TMEM260: variants seen among roughly 807,000 people sequenced by gnomAD.
TMEM260 encodes the protein protein O-mannosyl-transferase TMEM260.
Under a neutral mutation model 88.9 loss-of-function variants are expected in TMEM260, and 82 were observed. The ratio of observed to expected loss-of-function variants is 0.92; its 90% CI spans 0.77 to 1.11. The LOEUF is 1.11. Ranked by LOEUF, TMEM260 falls within the 50% of genes least tolerant of loss-of-function variation. TMEM260 has a pLI of 0.00. For synonymous variants in TMEM260, 314 were observed against 309.3 expected (o/e 1.02, Z -0.16); for missense variants, 902 against 853.4 (o/e 1.06, Z -0.71).
At chr14:56,659,512 G>T in the TMEM260 span, among the ~76,000 whole-genome samples, 499 of 152,260 alleles carry the variant, frequency 3.3e-3, 1 homozygote, top group African/African-American at 0.012. Context: ...TAGCTGTCTA[G>T]GTGGACCTGG....
rs563621089 is a variant in TMEM260, at chr14:56,580,154, C to T, written c.160+80C>T. The T allele has an allele frequency of 6.7e-6, 8 of 1,186,052 alleles. No homozygotes were observed. In the South Asian group the frequency reaches 1.3e-4, roughly 19 times the overall value. 73.5% of individuals were successfully genotyped at this position (1,186,052 alleles called of 1,614,324 possible). A position where few individuals can be genotyped will look rare whatever the true frequency, so the allele number is the denominator to read the frequency against. The stretch of plus-strand genomic sequence containing the variant: ...GCAGGGTCTGCGTCTGGCCCCTGCT[C>T]TTGGCATTCGGTCTGGTCAGCTCTG... On this transcript the variant is annotated intron_variant, in intron 1 of 15. Transcript: ENST00000261556.
chr14:56,655,820 C>A, the TMEM260 span, among the ~76,000 whole-genome samples: 1 of 152,232 alleles, frequency 6.6e-6, no homozygotes, highest in East Asian at 1.9e-4. Context: ...GAAGCCAACA[C>A]CTTAACACCT....
chr14:56,611,724 A>G (rs971948809), intron 6 of TMEM260, among the ~76,000 whole-genome samples: 2 of 152,224 alleles, frequency 1.3e-5, no homozygotes, highest in Non-Finnish European at 2.9e-5. Flanking sequence ...TTCTGCTCTA[A>G]AGATACATAC....
intron 15 of TMEM260, among the ~76,000 whole-genome samples, chr14:56,646,510 A>G (rs1889976955): frequency 6.6e-6 from 1 of 152,190 alleles, no homozygotes; most frequent in Non-Finnish European, 1.5e-5. Flanking sequence ...TAAATTTTTG[A>G]TGTTTCCTGT....
At chr14:56,602,937 G>A in intron 3 of TMEM260, among the ~76,000 whole-genome samples, 1 of 152,092 alleles carries the variant, frequency 6.6e-6, no homozygotes, top group East Asian at 1.9e-4. Flanking sequence ...AGTAATGCTT[G>A]CTGAATTTTC....
At chr14:56,607,266 G>A (rs767185049) in intron 5 of TMEM260, among the ~76,000 whole-genome samples, 3 of 152,170 alleles carry the variant, frequency 2.0e-5, no homozygotes, top group Non-Finnish European at 4.4e-5. Context: ...AGACATCAGA[G>A]GGGTGCATTC....
intron 12 of TMEM260, among the ~76,000 whole-genome samples, chr14:56,629,940 C>T (rs1002675129): frequency 5.9e-5 from 9 of 151,694 alleles, no homozygotes; most frequent in African/African-American, 2.2e-4. Flanking sequence ...ACTTGGGCAG[C>T]TGAGGTGGGA....
chr14:56,633,731 A>T (rs17091851), intron 13 of TMEM260, among the ~76,000 whole-genome samples: 4,029 of 152,108 alleles, frequency 0.026, 107 homozygotes, highest in East Asian at 0.099. Flanking sequence ...ATGTTTCCTA[A>T]ATAGAAAATG....
chr14:56,585,708 G>T, intron 2 of TMEM260, 53 bp from the exon 3 acceptor site: 1 of 1,570,230 alleles, frequency 6.4e-7, no homozygotes, highest in South Asian at 1.2e-5. Flanking sequence ...AGGCCTGTGG[G>T]ACTCTTCCTT....
chr14:56,588,608 G>C (rs1179145503), intron 3 of TMEM260, among the ~76,000 whole-genome samples: 1 of 151,840 alleles, frequency 6.6e-6, no homozygotes, highest in East Asian at 1.9e-4. Context: ...TATTTGCTTT[G>C]CTCTAATGTA....
In TMEM260 at chr14:56,638,956, G is replaced by T. The variant is rs955091917; in HGVS notation, c.1869+2358G>T. 2.0e-5 allele frequency among the ~76,000 whole-genome samples: 3 copies of T among 152,208 alleles called. No individual in the cohort carries two copies. In the South Asian group the frequency reaches 6.3e-4, roughly 32 times the overall value. On this transcript the variant is annotated intron_variant, in intron 15 of 15. Coordinates refer to ENST00000261556, the MANE Select transcript of TMEM260 (RefSeq NM_017799.4). ...AAGAATGATGGGCTTCTCAAGATAT[G>T]GTACATGTGACTTAATAGGACATCT...
intron 15 of TMEM260, among the ~76,000 whole-genome samples, chr14:56,639,972 ACAAAGCAGCT>A (rs1889446088): frequency 6.6e-6 from 1 of 152,188 alleles, no homozygotes; most frequent in Non-Finnish European, 1.5e-5. Flanking sequence ...CAGCAGGTAA[ACAAAGCAGCT>A]GGGAAGCTCG....
intron 11 of TMEM260, among the ~76,000 whole-genome samples, chr14:56,623,224 G>T (rs1888039511): frequency 6.6e-6 from 1 of 152,168 alleles, no homozygotes; most frequent in Non-Finnish European, 1.5e-5. Flanking sequence ...CACATGAGAC[G>T]CAGTCTGGAG....
At chr14:56,618,440 C>G (rs1011731387) in intron 9 of TMEM260, among the ~76,000 whole-genome samples, 154 bp from the exon 10 acceptor site, 2 of 152,114 alleles carry the variant, frequency 1.3e-5, no homozygotes, top group Non-Finnish European at 2.9e-5. Flanking sequence ...AATAAAATGA[C>G]CTGGGCTTGG....
At chr14:56,627,723 C>G (rs1026256016) in intron 12 of TMEM260, among the ~76,000 whole-genome samples, 2 of 152,210 alleles carry the variant, frequency 1.3e-5, no homozygotes, top group Admixed American at 1.3e-4. Flanking sequence ...TGAAAGGAAG[C>G]TAGCTAATGT....
chr14:56,621,487 A>T, intron 10 of TMEM260, 44 bp from the exon 11 acceptor site: 1 of 1,483,484 alleles, frequency 6.7e-7, no homozygotes, highest in Non-Finnish European at 9.2e-7. Flanking sequence ...TTAAAACTGT[A>T]GCAAAGTGTT....
intron 7 of TMEM260, chr14:56,613,310 C>A (rs1031102933): frequency 1.3e-5 from 2 of 152,178 alleles, no homozygotes; most frequent in South Asian, 2.1e-4. Context: ...CTCACAGTTT[C>A]GGTGTAATTT....
chr14:56,597,821 A>G (rs1376434280), intron 3 of TMEM260, among the ~76,000 whole-genome samples: 2 of 150,884 alleles, frequency 1.3e-5, no homozygotes, highest in East Asian at 3.8e-4. Context: ...TTTTCAACAG[A>G]GAGAGAGAGA....
At chr14:56,617,802 T>C (rs1460077244) in intron 9 of TMEM260, among the ~76,000 whole-genome samples, 2 of 152,178 alleles carry the variant, frequency 1.3e-5, no homozygotes, top group Non-Finnish European at 2.9e-5. Context: ...TGAAACAAAG[T>C]CTGCGTATGT....
Sources: gnomAD v4.1 joint callset for allele counts (sites outside exome capture counted in the v4.1 genomes callset) on GRCh38, gnomAD v4.1.1 for gene constraint, MANE v1.5 for transcripts, NCBI Gene and HGNC (gene_info 2026-07-23, HGNC 2026-07-21) for gene names.